FAT4: variants seen among roughly 807,000 people sequenced by gnomAD.
The protein encoded by FAT4 is protocadherin Fat 4.
Under a neutral mutation model 303.9 loss-of-function variants are expected in FAT4, and 84 were observed. That is an observed-to-expected ratio of 0.28 (90% confidence interval 0.23 to 0.33). The LOEUF is 0.33. FAT4 is among the 10% of genes least tolerant of loss of function. The pLI, the probability that FAT4 is intolerant of heterozygous loss-of-function variation, is 1.00. For synonymous variants in FAT4, 2,307 were observed against 2,298.8 expected (o/e 1.00, Z -0.10); for missense variants, 6,005 against 6,146.8 (o/e 0.98, Z 0.77).
At chr4:125,386,610 A>G (rs1162143655) in intron 2 of FAT4, among the ~76,000 whole-genome samples, 1 of 152,184 alleles carries the variant, frequency 6.6e-6, no homozygotes, top group Non-Finnish European at 1.5e-5. Context: ...GAATTAAAGA[A>G]CAATGCATTT....
Position 125,452,393 on chromosome 4 carries a change from C to T in FAT4, c.11383C>T (p.Gln3795Ter). Residue 3795 changes from glutamine to a stop codon, truncating the protein, a stop_gained, in exon 10 of 18, where the codon CAG (glutamine) becomes TAG (stop). Coordinates refer to ENST00000394329, the MANE Select transcript of FAT4 (RefSeq NM_001291303.3). LOFTEE classifies it high-confidence loss of function. ...AAGCATCAAAGAGATCCTTCTCCGG[C>T]AGAGTGGAGTAAAGGTGGAATCTGT... ...FESIKEILLR[Q>*]SGVKVESVDH... 1 of 1,614,180 alleles carries T rather than the reference C, an allele frequency of 6.2e-7. No homozygotes were observed. The highest frequency in any genetic ancestry group is 8.5e-7 in the Non-Finnish European group (1 of 1,180,036).
intron 2 of FAT4, among the ~76,000 whole-genome samples, chr4:125,359,257 G>A (rs1267858189): frequency 1.3e-5 from 2 of 152,042 alleles, no homozygotes; most frequent in Admixed American, 6.6e-5. Flanking sequence ...TTCACCCCAC[G>A]TCTTAAGGCC....
Position 125,320,025 on chromosome 4 carries a change from A to G in FAT4, c.3614A>G (p.Asp1205Gly). ...CATGTTTACATGAAGGATATAAATG[A>G]TAATGCTCCCAAATTTTTAAAAGAC... The part of the protein sequence containing the change: ...TVHVYMKDIN[D>G]NAPKFLKDFY... Residue 1205 changes from aspartate (D) to glycine (G), a missense_variant, in exon 2 of 18, where the codon GAT becomes GGT. Transcript: ENST00000394329. 1 of 1,613,354 alleles carries G rather than the reference A, an allele frequency of 6.2e-7. No individual in the cohort carries two copies. Among genetic ancestry groups the G allele is most frequent in the Non-Finnish European group, 8.5e-7 (1 of 1,180,030 alleles).
chr4:125,459,638 A>G (rs1033717758), intron 10 of FAT4, among the ~76,000 whole-genome samples: 3 of 152,038 alleles, frequency 2.0e-5, no homozygotes, highest in African/African-American at 7.2e-5. Flanking sequence ...CAGTAAACAT[A>G]TCTTAATGGA....
intron 10 of FAT4, among the ~76,000 whole-genome samples, chr4:125,462,227 A>G (rs557836197): frequency 2.6e-5 from 4 of 152,134 alleles, no homozygotes; most frequent in Admixed American, 6.6e-5. Context: ...CCACAAAAAC[A>G]GAACCAATTT....
chr4:125,401,113 A>T (rs1734371665), intron 3 of FAT4, among the ~76,000 whole-genome samples: 1 of 152,036 alleles, frequency 6.6e-6, no homozygotes, highest in African/African-American at 2.4e-5. Context: ...ATTGTTTTTT[A>T]AAGAAAAAGC....
At chr4:125,446,014 G>A (rs945486097) in intron 8 of FAT4, 5 of 249,100 alleles carry the variant, frequency 2.0e-5, no homozygotes, top group African/African-American at 1.1e-4. Flanking sequence ...TAAAGCCTTA[G>A]GGGTTTGTTT....
At chr4:125,484,036 T>C (rs1426551690) in intron 16 of FAT4, among the ~76,000 whole-genome samples, 2 of 122,370 alleles carry the variant, frequency 1.6e-5, no homozygotes, top group African/African-American at 6.9e-5. Flanking sequence ...TATCATTCTT[T>C]CTCTCTCTCT....
intron 2 of FAT4, among the ~76,000 whole-genome samples, chr4:125,343,477 A>T (rs1731878688): frequency 2.0e-5 from 3 of 151,920 alleles, no homozygotes; most frequent in Admixed American, 2.0e-4. Context: ...ATGATTTACA[A>T]CTCCATTTGC....
At chr4:125,346,279 C>T (rs769446861) in intron 2 of FAT4, among the ~76,000 whole-genome samples, 9 of 151,928 alleles carry the variant, frequency 5.9e-5, no homozygotes, top group African/African-American at 1.5e-4. Flanking sequence ...AAAATAAAAG[C>T]GGTAGCAGTG....
intron 2 of FAT4, among the ~76,000 whole-genome samples, chr4:125,331,885 T>TCTTGC (rs1731400895): frequency 6.6e-6 from 1 of 152,052 alleles, no homozygotes; most frequent in African/African-American, 2.4e-5. Context: ...GGACAATCCC[T>TCTTGC]CTTGCCTTAA....
At chr4:125,467,975 A>T (rs1425757489) in intron 11 of FAT4, among the ~76,000 whole-genome samples, 1 of 151,750 alleles carries the variant, frequency 6.6e-6, no homozygotes, top group East Asian at 1.9e-4. Context: ...GACCAGCCTG[A>T]CCAACAAGGT....
chr4:125,470,916 C>T (rs969498739), intron 12 of FAT4, among the ~76,000 whole-genome samples: 4 of 152,186 alleles, frequency 2.6e-5, no homozygotes, highest in Admixed American at 6.5e-5. Flanking sequence ...TCTTGACTTT[C>T]GAAATGCCTT....
chr4:125,410,714 CA>C (rs916881328), intron 5 of FAT4, among the ~76,000 whole-genome samples: 4 of 151,682 alleles, frequency 2.6e-5, no homozygotes, highest in African/African-American at 9.7e-5. Context: ...GCGAAGATAC[CA>C]AAAAATTAAA....
intron 7 of FAT4, among the ~76,000 whole-genome samples, chr4:125,425,137 T>TA (rs1442183083): frequency 3.3e-5 from 5 of 152,236 alleles, no homozygotes; most frequent in Admixed American, 3.3e-4. Flanking sequence ...TATGCACACT[T>TA]AGTGCTTGTA....
intron 2 of FAT4, among the ~76,000 whole-genome samples, chr4:125,324,254 A>G (rs1312159877): frequency 1.3e-5 from 2 of 152,204 alleles, no homozygotes; most frequent in Admixed American, 6.5e-5. Context: ...AAAAATAGAT[A>G]TATGTACTTC....
intron 8 of FAT4, among the ~76,000 whole-genome samples, chr4:125,437,477 A>T (rs1353439254): frequency 8.7e-5 from 3 of 34,370 alleles, no homozygotes; most frequent in Non-Finnish European, 1.6e-4. Flanking sequence ...GATTTCTTTC[A>T]GTGGACCAAG....
At chr4:125,459,355 A>T (rs1726403120) in intron 10 of FAT4, among the ~76,000 whole-genome samples, 2 of 152,074 alleles carry the variant, frequency 1.3e-5, no homozygotes, top group African/African-American at 4.8e-5. Flanking sequence ...CAATAGATTC[A>T]GTTTATGTTC....
chr4:125,337,160 A>G (rs561279273), intron 2 of FAT4, among the ~76,000 whole-genome samples: 1 of 152,192 alleles, frequency 6.6e-6, no homozygotes, highest in South Asian at 2.1e-4. Context: ...AAAGCCATAA[A>G]TATAAATACG....
Sources: allele counts gnomAD v4.1 joint callset (sites outside exome capture counted in the v4.1 genomes callset), GRCh38; gene constraint gnomAD v4.1.1; transcripts MANE v1.5; gene names NCBI Gene and HGNC (gene_info 2026-07-23, HGNC 2026-07-21).